IL15: variants seen among roughly 807,000 people sequenced by gnomAD.
The protein encoded by IL15 is interleukin 15.
IL15 carries 11 observed loss-of-function variants against 19.6 expected under a neutral mutation model. That is an observed-to-expected ratio of 0.56 (90% CI 0.35 to 0.93). The LOEUF is 0.93. Ranked by LOEUF, IL15 falls within the 40% of genes least tolerant of loss-of-function variation. IL15 has a pLI of 0.01. For missense variants in IL15, 197 were observed against 186.5 expected (o/e 1.06, Z -0.33); for synonymous variants, 58 against 59.6 (o/e 0.97, Z 0.12).
chr4:141,656,305 C>A lies in IL15; in HGVS notation c.-102C>A. ...AGCAGATAGCCAGCCCATACAAGAT[C>A]GTGTAAGTAAAGTTTTAAAAGTTTT... On this transcript the variant is annotated splice_region_variant and 5_prime_UTR_variant, in exon 2 of 8. Transcript: ENST00000320650. 2 of 397,968 alleles carry A rather than the reference C, an allele frequency of 5.0e-6. No homozygotes were observed. Among genetic ancestry groups the A allele is most frequent in the Non-Finnish European group, 8.9e-6 (2 of 225,810 alleles). The allele number at this position is 397,968 out of a possible 1,614,324, so 24.7% of individuals were successfully genotyped here. A position where few individuals can be genotyped will look rare whatever the true frequency, so the allele number is the denominator to read the frequency against.
At chr4:141,646,844 G>A (rs996007590) in intron 1 of IL15, among the ~76,000 whole-genome samples, 1 of 151,994 alleles carries the variant, frequency 6.6e-6, no homozygotes, top group African/African-American at 2.4e-5. Context: ...ATTAGAATAT[G>A]AACCACAGGA....
chr4:141,686,303 A>AATAAATAC, intron 2 of IL15, among the ~76,000 whole-genome samples: 1 of 148,322 alleles, frequency 6.7e-6, no homozygotes, highest in Middle Eastern at 3.6e-3. Flanking sequence ...CTCAAAAATA[A>AATAAATAC]ATAAATAAAT....
chr4:141,728,173 A>T (rs1730331886), intron 6 of IL15, among the ~76,000 whole-genome samples, 189 bp downstream of exon 6: 1 of 152,060 alleles, frequency 6.6e-6, no homozygotes, highest in African/African-American at 2.4e-5. Flanking sequence ...CATCAATGCT[A>T]TTTTTGTAAT....
At chr4:141,693,394 C>T (rs1017287105) in intron 2 of IL15, among the ~76,000 whole-genome samples, 7 of 152,144 alleles carry the variant, frequency 4.6e-5, no homozygotes, top group African/African-American at 7.2e-5. Flanking sequence ...TGTTGCTTAT[C>T]TATAAATTCC....
intron 2 of IL15, among the ~76,000 whole-genome samples, chr4:141,697,642 G>A (rs747787160): frequency 4.6e-5 from 7 of 152,176 alleles, no homozygotes; most frequent in South Asian, 2.1e-4. Context: ...CCATCCATGA[G>A]CATGGGACCT....
intron 2 of IL15, among the ~76,000 whole-genome samples, chr4:141,663,482 T>C (rs190124653): frequency 3.9e-5 from 6 of 152,212 alleles, no homozygotes; most frequent in Admixed American, 1.3e-4. Context: ...CTGGTCTTTT[T>C]GGAATGTTTA....
chr4:141,656,346 T>C lies in IL15; in HGVS notation c.-100+39T>C, dbSNP rs368733886. The C allele has an allele frequency of 1.1e-3, 436 of 397,624 alleles. 20 individuals are homozygous for C. The South Asian group carries it at 0.052, about 47-fold the overall frequency. The allele number at this position is 397,624 out of a possible 1,614,324, so 24.6% of individuals were successfully genotyped here. A position where few individuals can be genotyped will look rare whatever the true frequency, so the allele number is the denominator to read the frequency against. On this transcript the variant is annotated intron_variant, in intron 2 of 7. Coordinates refer to ENST00000320650, the MANE Select transcript of IL15 (RefSeq NM_000585.5). Reference sequence around the variant, plus strand: ...TAAAAGTTTTATCATGCAATACAGATACTTTTATATAATAGCATAACTAAT... The same window carrying C: ...TAAAAGTTTTATCATGCAATACAGACACTTTTATATAATAGCATAACTAAT...
chr4:141,666,965 T>C (rs115617318), intron 2 of IL15, among the ~76,000 whole-genome samples: 314 of 152,220 alleles, frequency 2.1e-3, no homozygotes, highest in African/African-American at 7.0e-3. Context: ...ATCATTCCTA[T>C]CCAATGAATT....
intron 1 of IL15, among the ~76,000 whole-genome samples, chr4:141,652,225 G>T (rs1348522412): frequency 6.6e-6 from 1 of 151,972 alleles, no homozygotes; most frequent in Non-Finnish European, 1.5e-5. Context: ...AGTGAAAGAG[G>T]AGATAAAGTA....
At chr4:141,667,196 A>G (rs1198557381) in intron 2 of IL15, among the ~76,000 whole-genome samples, 2 of 152,220 alleles carry the variant, frequency 1.3e-5, no homozygotes, top group Admixed American at 6.5e-5. Context: ...CCTTTATAAT[A>G]AAGTTGTAAA....
At position 141,720,525 on chromosome 4, in the gene IL15, T is replaced by C; in HGVS notation, c.69T>C (p.Ser23=). ...IQCYLCLLLN[S]HFLTEAGIHV... ...GCTACTTGTGTTTACTTCTAAACAG[T>C]CATTTTCTAACTGAAGCTGGCATTC... is the stretch of plus-strand genomic sequence containing the variant. Residue 23 remains serine, a synonymous_variant, in exon 4 of 8, where the codon AGT becomes AGC. Coordinates refer to ENST00000320650, the MANE Select transcript of IL15 (RefSeq NM_000585.5). 1 of 1,601,244 alleles carries C rather than the reference T, an allele frequency of 6.2e-7. No homozygotes were observed. The highest frequency in any genetic ancestry group is 8.6e-7 in the Non-Finnish European group (1 of 1,168,726).
At chr4:141,726,522 T>C (rs1579056086) in intron 5 of IL15, among the ~76,000 whole-genome samples, 1 of 152,206 alleles carries the variant, frequency 6.6e-6, no homozygotes, top group East Asian at 1.9e-4. Context: ...ACAGGCACTG[T>C]ATAAAATAGT....
At chr4:141,687,876 A>G (rs892384132) in intron 2 of IL15, among the ~76,000 whole-genome samples, 3 of 152,126 alleles carry the variant, frequency 2.0e-5, no homozygotes, top group African/African-American at 7.2e-5. Context: ...TCATATTGAG[A>G]AAAAAATGCC....
chr4:141,684,692 C>T (rs1728651772), intron 2 of IL15, among the ~76,000 whole-genome samples: 1 of 152,184 alleles, frequency 6.6e-6, no homozygotes, highest in Non-Finnish European at 1.5e-5. Context: ...ATCCACTCTT[C>T]AAAACTAACC....
intron 2 of IL15, among the ~76,000 whole-genome samples, chr4:141,707,291 A>G (rs1729550103): frequency 6.6e-6 from 1 of 151,986 alleles, no homozygotes; most frequent in South Asian, 2.1e-4. Context: ...TATATTATGC[A>G]TTTCTCATTC....
chr4:141,687,575 T>A (rs369932580), intron 2 of IL15, among the ~76,000 whole-genome samples: 3 of 152,288 alleles, frequency 2.0e-5, no homozygotes, highest in South Asian at 2.1e-4. Context: ...CTCCATTAAT[T>A]CCATGGTAAA....
chr4:141,669,750 G>A (rs1260913333), intron 2 of IL15, among the ~76,000 whole-genome samples: 1 of 148,924 alleles, frequency 6.7e-6, no homozygotes, highest in Non-Finnish European at 1.5e-5. Context: ...GACCAGATGT[G>A]GTCTCTGTCA....
intron 1 of IL15, among the ~76,000 whole-genome samples, chr4:141,640,078 C>G (rs541543253): frequency 4.9e-4 from 74 of 152,262 alleles, no homozygotes; most frequent in African/African-American, 1.8e-3. Flanking sequence ...ACTTTTTACT[C>G]AGCTTCCAGA....
chr4:141,661,805 T>C (rs556028179), intron 2 of IL15, among the ~76,000 whole-genome samples: 1 of 151,816 alleles, frequency 6.6e-6, no homozygotes, highest in South Asian at 2.1e-4. Flanking sequence ...TTTGTTATTG[T>C]TGTTGTTGCT....
Sources: gnomAD v4.1 joint callset for allele counts (sites outside exome capture counted in the v4.1 genomes callset) on GRCh38, gnomAD v4.1.1 for gene constraint, MANE v1.5 for transcripts, NCBI Gene and HGNC (gene_info 2026-07-23, HGNC 2026-07-21) for gene names.